BRMS1L: variants seen among roughly 807,000 people sequenced by gnomAD.
BRMS1L encodes the protein BRMS1 like transcriptional repressor.
In BRMS1L, 23 loss-of-function variants were observed where a neutral mutation model predicts 50.3. The observed-to-expected ratio is 0.46, with a 90% CI of 0.33 to 0.65. The LOEUF (loss-of-function observed/expected upper bound fraction) is 0.65, where lower values mean the gene tolerates loss of function less well. Ranked by LOEUF, BRMS1L falls within the 30% of genes least tolerant of loss-of-function variation. BRMS1L has a pLI of 0.02. For synonymous variants in BRMS1L, 114 were observed against 126.9 expected (o/e 0.90, Z 0.69); for missense variants, 286 against 386.1 (o/e 0.74, Z 2.17).
chr14:35,834,074 G>A (rs2077960949), intron 3 of BRMS1L, among the ~76,000 whole-genome samples: 2 of 151,428 alleles, frequency 1.3e-5, no homozygotes, highest in Non-Finnish European at 2.9e-5. Flanking sequence ...TTTTGATTTT[G>A]CAGAGTAGTG....
intron 4 of BRMS1L, among the ~76,000 whole-genome samples, chr14:35,861,721 T>C (rs933892092): frequency 1.3e-5 from 2 of 152,206 alleles, no homozygotes; most frequent in East Asian, 1.9e-4. Flanking sequence ...GGCTTCATGA[T>C]TGACACCAGG....
chr14:35,839,428 CA>C (rs1354150207), intron 4 of BRMS1L, among the ~76,000 whole-genome samples: 1 of 152,050 alleles, frequency 6.6e-6, no homozygotes, highest in African/African-American at 2.4e-5. Context: ...GTAGCTTGAT[CA>C]GAATAGCATT....
At chr14:35,861,118 A>T (rs1270812053) in intron 4 of BRMS1L, among the ~76,000 whole-genome samples, 2 of 152,198 alleles carry the variant, frequency 1.3e-5, no homozygotes, top group African/African-American at 4.8e-5. Context: ...AAAGAAAGAG[A>T]AATAAGAATG....
intron 4 of BRMS1L, among the ~76,000 whole-genome samples, chr14:35,848,110 T>A (rs2078160748): frequency 6.6e-6 from 1 of 152,234 alleles, no homozygotes; most frequent in African/African-American, 2.4e-5. Flanking sequence ...TTTTTCAGGA[T>A]GCTCCAGACT....
intron 4 of BRMS1L, among the ~76,000 whole-genome samples, chr14:35,848,934 G>A (rs2078172929): frequency 6.6e-6 from 1 of 152,180 alleles, no homozygotes; most frequent in South Asian, 2.1e-4. Context: ...GAACATGGGA[G>A]TGCAGATATC....
intron 1 of BRMS1L, among the ~76,000 whole-genome samples, chr14:35,826,959 C>G (rs2077854681): frequency 6.6e-6 from 1 of 152,204 alleles, no homozygotes; most frequent in African/African-American, 2.4e-5. Context: ...CCGCAGCAGA[C>G]AAACTGGAAA....
intron 4 of BRMS1L, among the ~76,000 whole-genome samples, chr14:35,862,273 T>G (rs1309719102): frequency 1.3e-5 from 2 of 152,236 alleles, no homozygotes; most frequent in East Asian, 3.9e-4. Flanking sequence ...TGGGACCTAC[T>G]TAAATTTAAA....
At chr14:35,861,282 A>G (rs1324497357) in intron 4 of BRMS1L, among the ~76,000 whole-genome samples, 2 of 152,192 alleles carry the variant, frequency 1.3e-5, no homozygotes, top group African/African-American at 4.8e-5. Context: ...TAATTTGTCA[A>G]TAGGAAGAAA....
In BRMS1L at chr14:35,840,575, ACTT is replaced by A. The variant is rs550275370; in HGVS notation, c.441+5659_441+5661del. ...TGTTATTGGTCTATTCAGGGATTCGACTTCTTCTTGATTTAGTGTTGGGAAGGT... is the reference window on the plus strand; with the variant it reads ...TGTTATTGGTCTATTCAGGGATTCGACTTCTTGATTTAGTGTTGGGAAGGT... On this transcript the variant is annotated intron_variant, in intron 4 of 9. Transcript: ENST00000216807. Among the ~76,000 whole-genome samples the A allele has an allele frequency of 1.3e-3, 204 of 152,202 alleles. 1 individual carries two copies. The highest frequency in any genetic ancestry group is 4.6e-3 in the African/African-American group (191 of 41,524).
intron 3 of BRMS1L, 46 bp downstream of exon 3, chr14:35,833,151 C>G (rs369086837): frequency 1.3e-6 from 2 of 1,555,720 alleles, no homozygotes; most frequent in Admixed American, 1.9e-5. Flanking sequence ...GTAAACTCTT[C>G]AGTAGCTTTA....
chr14:35,852,728 A>G (rs1044866507), intron 4 of BRMS1L, among the ~76,000 whole-genome samples: 2 of 151,972 alleles, frequency 1.3e-5, no homozygotes, highest in Non-Finnish European at 2.9e-5. Context: ...TCAGGAGATC[A>G]AGACCATCTT....
intron 4 of BRMS1L, among the ~76,000 whole-genome samples, chr14:35,840,837 G>A (rs1247709442): frequency 6.6e-6 from 1 of 151,838 alleles, no homozygotes; most frequent in Admixed American, 6.6e-5. Flanking sequence ...GTTTTTTTGA[G>A]TCTCTTTCTC....
At chr14:35,845,003 C>T (rs919714770) in intron 4 of BRMS1L, among the ~76,000 whole-genome samples, 15 of 152,004 alleles carry the variant, frequency 9.9e-5, no homozygotes, top group African/African-American at 2.7e-4. Flanking sequence ...ACCTCAGGCT[C>T]GTAAGTAGTT....
chr14:35,854,806 C>A (rs1019910942), intron 4 of BRMS1L, among the ~76,000 whole-genome samples: 1 of 152,214 alleles, frequency 6.6e-6, no homozygotes, highest in African/African-American at 2.4e-5. Context: ...GCTCCTCAGT[C>A]TCTGCTTTTA....
At position 35,857,687 on chromosome 14, in the gene BRMS1L, T is replaced by A. The variant is rs539896306; in HGVS notation, c.442-4903T>A. ...GTTTCCTATTATGGAAGCTGAGGAT[T>A]TTTCTGTTTCATTCTTCTAATACTG... On this transcript the variant is annotated intron_variant, in intron 4 of 9. Transcript: ENST00000216807. 6.6e-4 allele frequency among the ~76,000 whole-genome samples: 101 copies of A among 152,254 alleles called. 1 individual carries two copies. Among genetic ancestry groups the A allele is most frequent in the African/African-American group, 2.3e-3 (95 of 41,558 alleles).
At chr14:35,863,160 T>C (rs2078375800) in intron 5 of BRMS1L, among the ~76,000 whole-genome samples, 1 of 152,178 alleles carries the variant, frequency 6.6e-6, no homozygotes, top group Admixed American at 6.5e-5. Context: ...CTTGTAAGTC[T>C]TGAAAGACTG....
At position 35,845,004 on chromosome 14, in the gene BRMS1L, G is replaced by A. The variant is rs554393973; in HGVS notation, c.441+10081G>A. Among the ~76,000 whole-genome samples the A allele has an allele frequency of 7.9e-5, 12 of 152,108 alleles. No individual in the cohort carries two copies. In the South Asian group the frequency reaches 1.9e-3, roughly 24 times the overall value. On this transcript the variant is annotated intron_variant, in intron 4 of 9. Transcript: ENST00000216807. ...TAAATGATCCTCCCACCTCAGGCTC[G>A]TAAGTAGTTAGGACTATAGGCATAT...
intron 1 of BRMS1L, among the ~76,000 whole-genome samples, chr14:35,830,482 C>T (rs1007625180): frequency 6.6e-6 from 1 of 152,082 alleles, no homozygotes; most frequent in Admixed American, 6.6e-5. Flanking sequence ...TTCGGTCTCT[C>T]GAGCAGTTGG....
chr14:35,851,219 T>A (rs1022119461), intron 4 of BRMS1L, among the ~76,000 whole-genome samples: 2 of 152,222 alleles, frequency 1.3e-5, no homozygotes, highest in Non-Finnish European at 2.9e-5. Flanking sequence ...TATTTGATCC[T>A]TTGGTTAAGG....
Sources: allele counts gnomAD v4.1 joint callset (sites outside exome capture counted in the v4.1 genomes callset), GRCh38; gene constraint gnomAD v4.1.1; transcripts MANE v1.5; gene names NCBI Gene and HGNC (gene_info 2026-07-23, HGNC 2026-07-21).